SUSD6: variants seen among roughly 807,000 people sequenced by gnomAD.
SUSD6 encodes the protein sushi domain-containing protein 6.
A neutral mutation model predicts 28.4 loss-of-function variants in SUSD6; 16 were observed. The observed-to-expected ratio is 0.56, with a 90% confidence interval of 0.38 to 0.86. SUSD6 has a LOEUF of 0.86. Among genes scored for constraint, SUSD6 ranks in the 40% least tolerant of loss-of-function variants. The pLI, the probability that SUSD6 is intolerant of heterozygous loss-of-function variation, is 0.00. For synonymous variants in SUSD6, 147 were observed against 159.6 expected (o/e 0.92, Z 0.59); for missense variants, 341 against 384.2 (o/e 0.89, Z 0.94).
chr14:69,646,029 C>G (rs551015501), intron 1 of SUSD6, among the ~76,000 whole-genome samples: 1 of 152,148 alleles, frequency 6.6e-6, no homozygotes, highest in African/African-American at 2.4e-5. Flanking sequence ...GGATTACAAG[C>G]GTGAGCCACT....
chr14:69,648,710 C>G (rs755997175), intron 1 of SUSD6, among the ~76,000 whole-genome samples: 4 of 152,090 alleles, frequency 2.6e-5, no homozygotes, highest in Admixed American at 2.0e-4. Flanking sequence ...AGCCAGCTCT[C>G]TAGGGTTTGC....
At chr14:69,675,293 A>C (rs1885890732) in intron 2 of SUSD6, among the ~76,000 whole-genome samples, 1 of 152,114 alleles carries the variant, frequency 6.6e-6, no homozygotes, top group Non-Finnish European at 1.5e-5. Flanking sequence ...TATCCCAGGC[A>C]ATATATATGC....
At chr14:69,686,248 G>A (rs1488498046) in intron 2 of SUSD6, among the ~76,000 whole-genome samples, 1 of 152,128 alleles carries the variant, frequency 6.6e-6, no homozygotes, top group Non-Finnish European at 1.5e-5. Context: ...TGTCTAAAAT[G>A]CCCAGGTTAT....
chr14:69,631,573 T>C (rs1237123680), intron 1 of SUSD6, among the ~76,000 whole-genome samples: 2 of 152,198 alleles, frequency 1.3e-5, no homozygotes, highest in South Asian at 2.1e-4. Context: ...AAATAAGATA[T>C]TAGATGTAAA....
At chr14:69,643,870 G>A (rs973706618) in intron 1 of SUSD6, among the ~76,000 whole-genome samples, 13 of 152,230 alleles carry the variant, frequency 8.5e-5, no homozygotes, top group Non-Finnish European at 1.5e-5. Context: ...GGCCCTGTGA[G>A]AAGCTAGAGG....
intron 1 of SUSD6, among the ~76,000 whole-genome samples, chr14:69,632,370 T>A (rs1056942354): frequency 2.0e-5 from 3 of 152,028 alleles, no homozygotes; most frequent in Non-Finnish European, 2.9e-5. Context: ...GTCTCATCCC[T>A]CCTCCCTCAG....
At chr14:69,659,933 G>A (rs1351500102) in intron 2 of SUSD6, among the ~76,000 whole-genome samples, 4 of 152,098 alleles carry the variant, frequency 2.6e-5, no homozygotes, top group Non-Finnish European at 5.9e-5. Flanking sequence ...GACATGTTTG[G>A]GTGTGTACGG....
At chr14:69,628,719 GT>G (rs11357371) in intron 1 of SUSD6, among the ~76,000 whole-genome samples, 82,969 of 120,292 alleles carry the variant, frequency 0.69, 28,464 homozygotes, top group Admixed American at 0.78. Flanking sequence ...CCTGTGGTGG[GT>G]TTTTTTTTTT....
intron 4 of SUSD6, 38 bp downstream of exon 4, chr14:69,704,780 T>G (rs1594724391): frequency 6.2e-7 from 1 of 1,606,034 alleles, no homozygotes; most frequent in Non-Finnish European, 8.5e-7. Context: ...GACAGGCAGG[T>G]GCAAGCATTA....
At position 69,621,311 on chromosome 14, in the gene SUSD6, G is replaced by A. The variant is rs144199974; in HGVS notation, c.-81+9483G>A. ...GTATTATTGATGAAATTCTAAAAAT[G>A]GAGTCATTTGTAGGGAGGCCTGGTT... is the stretch of plus-strand genomic sequence containing the variant. On this transcript the variant is annotated intron_variant, in intron 1 of 5. Transcript: ENST00000342745. 1.7e-3 allele frequency among the ~76,000 whole-genome samples: 262 copies of A among 152,280 alleles called. 1 individual carries two copies. Among genetic ancestry groups the A allele is most frequent in the African/African-American group, 5.9e-3 (245 of 41,564 alleles).
chr14:69,670,281 A>G lies in SUSD6; in HGVS notation c.121+11568A>G, dbSNP rs141452192. ...ACTGTGCTCTGCACTGGAGGAATGC[A>G]GAGTTATGGTTTAGCACTCTGATTT... On this transcript the variant is annotated intron_variant, in intron 2 of 5. Coordinates refer to ENST00000342745, the MANE Select transcript of SUSD6 (RefSeq NM_014734.4). 4.2e-3 allele frequency among the ~76,000 whole-genome samples: 643 copies of G among 152,346 alleles called. 3 individuals are homozygous for G. The highest frequency in any genetic ancestry group is 6.9e-3 in the Admixed American group (105 of 15,304).
At chr14:69,617,793 A>G (rs183201747) in intron 1 of SUSD6, 1 of 152,304 alleles carries the variant, frequency 6.6e-6, no homozygotes, top group Non-Finnish European at 1.5e-5. Flanking sequence ...CACCTGCTCA[A>G]AGGCTTCTGC....
intron 2 of SUSD6, among the ~76,000 whole-genome samples, chr14:69,693,331 C>T (rs1396790806): frequency 6.6e-6 from 1 of 152,014 alleles, no homozygotes; most frequent in Non-Finnish European, 1.5e-5. Flanking sequence ...TCCCTGGGTC[C>T]CTGAGCTGCA....
intron 1 of SUSD6, among the ~76,000 whole-genome samples, chr14:69,656,585 C>T (rs766037899): frequency 1.3e-5 from 2 of 152,212 alleles, no homozygotes; most frequent in Non-Finnish European, 2.9e-5. Context: ...CCCTACTGTG[C>T]AGGTCTTATT....
chr14:69,682,428 G>A (rs918071777), intron 2 of SUSD6, among the ~76,000 whole-genome samples: 14 of 152,122 alleles, frequency 9.2e-5, no homozygotes, highest in Admixed American at 2.6e-4. Context: ...TTCTCATTCT[G>A]CCCTACTTTG....
At chr14:69,677,999 G>C (rs896344437) in intron 2 of SUSD6, among the ~76,000 whole-genome samples, 2 of 152,130 alleles carry the variant, frequency 1.3e-5, no homozygotes, top group Non-Finnish European at 2.9e-5. Context: ...TTTTCCTCCA[G>C]AGATGACCAG....
chr14:69,657,115 T>A (rs1273881567), intron 1 of SUSD6, among the ~76,000 whole-genome samples: 2 of 152,164 alleles, frequency 1.3e-5, no homozygotes, highest in Non-Finnish European at 1.5e-5. Flanking sequence ...AGTTACCCTC[T>A]TTAGGAGGGG....
intron 2 of SUSD6, among the ~76,000 whole-genome samples, chr14:69,697,145 G>A (rs2139641472): frequency 6.6e-6 from 1 of 152,302 alleles, no homozygotes; most frequent in Non-Finnish European, 1.5e-5. Flanking sequence ...AACTGTCATG[G>A]CTATGGTGGG....
At chr14:69,668,762 A>C (rs556160825) in intron 2 of SUSD6, among the ~76,000 whole-genome samples, 11 of 152,232 alleles carry the variant, frequency 7.2e-5, no homozygotes, top group African/African-American at 2.4e-4. Flanking sequence ...CAGATTCCTC[A>C]TGAATGGCTT....
Sources: allele counts gnomAD v4.1 joint callset (sites outside exome capture counted in the v4.1 genomes callset), GRCh38; gene constraint gnomAD v4.1.1; transcripts MANE v1.5; gene names NCBI Gene and HGNC (gene_info 2026-07-23, HGNC 2026-07-21).